EPHB1: variants seen among roughly 807,000 people sequenced by gnomAD.
The protein encoded by EPHB1 is ephrin type-B receptor 1.
Under a neutral mutation model 94.4 loss-of-function variants are expected in EPHB1, and 30 were observed. The ratio of observed to expected loss-of-function variants is 0.32; its 90% CI spans 0.24 to 0.43. The LOEUF (loss-of-function observed/expected upper bound fraction) is 0.43. Among genes scored for constraint, EPHB1 ranks in the 20% least tolerant of loss-of-function variants. EPHB1 has a pLI of 1.00. For synonymous variants in EPHB1, 522 were observed against 489.1 expected (o/e 1.07, Z -0.89); for missense variants, 1,055 against 1,308.3 (o/e 0.81, Z 2.99).
At chr3:134,822,249 G>A (rs1313975262) in intron 1 of EPHB1, among the ~76,000 whole-genome samples, 1 of 152,066 alleles carries the variant, frequency 6.6e-6, no homozygotes, top group Non-Finnish European at 1.5e-5. Flanking sequence ...TGTGCCCTGT[G>A]TTGCTGTGTC....
intron 3 of EPHB1, among the ~76,000 whole-genome samples, chr3:134,991,324 A>G (rs1478930898): frequency 2.0e-5 from 3 of 152,282 alleles, no homozygotes; most frequent in East Asian, 1.9e-4. Context: ...GCATCGGTGT[A>G]CAGGCTTTGA....
At chr3:135,176,362 G>A (rs1941977988) in intron 9 of EPHB1, among the ~76,000 whole-genome samples, 1 of 152,142 alleles carries the variant, frequency 6.6e-6, no homozygotes, top group South Asian at 2.1e-4. Flanking sequence ...CAATTTCAGG[G>A]GAAACGAGTA....
intron 3 of EPHB1, among the ~76,000 whole-genome samples, chr3:135,050,028 G>A (rs1486835434): frequency 6.6e-6 from 1 of 152,156 alleles, no homozygotes; most frequent in East Asian, 1.9e-4. Flanking sequence ...TGTCTTCACA[G>A]CCAAGGCATT....
At chr3:134,877,869 A>G (rs1399707) in intron 1 of EPHB1, among the ~76,000 whole-genome samples, 103,505 of 152,056 alleles carry the variant, frequency 0.68, 35,711 homozygotes, top group East Asian at 0.87. Context: ...GGCCAGATCC[A>G]CTCTCTAGAC....
At chr3:134,952,896 C>G (rs1553714396) in intron 3 of EPHB1, among the ~76,000 whole-genome samples, 1 of 152,152 alleles carries the variant, frequency 6.6e-6, no homozygotes, top group Non-Finnish European at 1.5e-5. Context: ...TATGCATTGT[C>G]TAAGTGCATG....
chr3:134,930,480 A>C (rs1190490619), intron 2 of EPHB1, among the ~76,000 whole-genome samples: 1 of 152,228 alleles, frequency 6.6e-6, no homozygotes, highest in Non-Finnish European at 1.5e-5. Flanking sequence ...CTAACGGGCT[A>C]TCCCAGGGAC....
At chr3:134,882,777 TCTTTC>T (rs1445433210) in intron 1 of EPHB1, among the ~76,000 whole-genome samples, 3 of 15,420 alleles carry the variant, frequency 1.9e-4, no homozygotes, top group South Asian at 9.4e-3. Context: ...TTTCTTTCTT[TCTTTC>T]TTTCTTTCTT....
chr3:134,842,693 T>C (rs1294820669), intron 1 of EPHB1, among the ~76,000 whole-genome samples: 2 of 152,204 alleles, frequency 1.3e-5, no homozygotes, highest in South Asian at 2.1e-4. Flanking sequence ...TCTTCAAACA[T>C]GTCTTTCCCA....
intron 12 of EPHB1, among the ~76,000 whole-genome samples, chr3:135,228,410 A>T (rs1943451707): frequency 6.6e-6 from 1 of 151,932 alleles, no homozygotes; most frequent in Admixed American, 6.6e-5. Context: ...GTGTGATGTT[A>T]ACTTGTATAT....
Position 134,967,120 on chromosome 3 carries a change from A to G in EPHB1, c.805+15068A>G, listed in dbSNP as rs544433953. 1.4e-3 allele frequency among the ~76,000 whole-genome samples: 218 copies of G among 152,296 alleles called. 2 individuals carry two copies. The highest frequency in any genetic ancestry group is 4.8e-3 in the African/African-American group (201 of 41,556). On this transcript the variant is annotated intron_variant, in intron 3 of 15. Transcript: ENST00000398015. ...GGTGAAAAGACTCCTCTAGAGATGC[A>G]TTTTCTTCAGGCATGAGATGAATGG...
chr3:134,882,777 TCTTTCTTTC>T (rs1560280565), intron 1 of EPHB1, among the ~76,000 whole-genome samples: 1 of 15,322 alleles, frequency 6.5e-5, no homozygotes, highest in Non-Finnish European at 4.6e-4. Flanking sequence ...TTTCTTTCTT[TCTTTCTTTC>T]TTTCTTTCTT....
chr3:135,199,860 A>T (rs1369279167), intron 11 of EPHB1, among the ~76,000 whole-genome samples: 1 of 152,202 alleles, frequency 6.6e-6, no homozygotes, highest in Non-Finnish European at 1.5e-5. Flanking sequence ...TTATTTTTGC[A>T]TAGAAAATGC....
intron 2 of EPHB1, among the ~76,000 whole-genome samples, chr3:134,940,447 G>A (rs1468761682): frequency 6.6e-6 from 1 of 152,202 alleles, no homozygotes; most frequent in East Asian, 1.9e-4. Flanking sequence ...TGGCAGAGGT[G>A]GGGTCTGCCT....
chr3:135,161,276 G>A (rs1381431312), intron 6 of EPHB1, among the ~76,000 whole-genome samples: 6 of 152,168 alleles, frequency 3.9e-5, no homozygotes, highest in African/African-American at 9.7e-5. Flanking sequence ...TGGAGAGAGT[G>A]ACAGACAGGA....
chr3:135,022,741 T>A (rs78607540), intron 3 of EPHB1, among the ~76,000 whole-genome samples: 10 of 152,174 alleles, frequency 6.6e-5, no homozygotes, highest in Admixed American at 1.3e-4. Flanking sequence ...ATTTATTTTC[T>A]CTCATTCTCA....
At chr3:134,976,369 C>T (rs374324547) in intron 3 of EPHB1, among the ~76,000 whole-genome samples, 3 of 152,258 alleles carry the variant, frequency 2.0e-5, no homozygotes, top group African/African-American at 7.2e-5. Context: ...TCACCTGACT[C>T]AATAAAGGCA....
At chr3:134,967,603 C>A (rs1405593628) in intron 3 of EPHB1, among the ~76,000 whole-genome samples, 1 of 152,164 alleles carries the variant, frequency 6.6e-6, no homozygotes, top group South Asian at 2.1e-4. Flanking sequence ...TGCCCTGCAC[C>A]ACTTCAGGGC....
At chr3:135,230,731 T>C (rs542532558) in intron 12 of EPHB1, among the ~76,000 whole-genome samples, 2 of 152,214 alleles carry the variant, frequency 1.3e-5, no homozygotes, top group Admixed American at 1.3e-4. Context: ...CCCTCTCACC[T>C]CTAGTAGTCT....
At chr3:134,828,495 G>A (rs73229127) in intron 1 of EPHB1, among the ~76,000 whole-genome samples, 8,585 of 152,230 alleles carry the variant, frequency 0.056, 248 homozygotes, top group Middle Eastern at 0.082. Flanking sequence ...TTAATTCCTA[G>A]CATCTGCCTC....
Sources: gnomAD v4.1 joint callset for allele counts (sites outside exome capture counted in the v4.1 genomes callset) on GRCh38, gnomAD v4.1.1 for gene constraint, MANE v1.5 for transcripts, NCBI Gene and HGNC (gene_info 2026-07-23, HGNC 2026-07-21) for gene names.